The following WDR41 variants were observed in gnomAD, a reference collection of about 807,000 sequenced individuals.
WDR41 encodes the protein WD repeat-containing protein 41.
In WDR41, 63 loss-of-function variants were observed where a neutral mutation model predicts 69.3. The ratio of observed to expected loss-of-function variants is 0.91; its 90% CI spans 0.74 to 1.12. The LOEUF (loss-of-function observed/expected upper bound fraction) is 1.12, where lower values mean the gene tolerates loss of function less well. WDR41 is among the 50% of genes most tolerant of loss of function. The pLI is 0.00. For missense variants in WDR41, 543 were observed against 534.5 expected, an observed-to-expected ratio of 1.02 and a Z score of -0.16; for synonymous variants, 185 against 192.1, an observed-to-expected ratio of 0.96 and a Z score of 0.31.
chr5:77,509,627 G>C (rs1027850374), intron 1 of WDR41, among the ~76,000 whole-genome samples: 2 of 152,176 alleles, frequency 1.3e-5, no homozygotes, highest in African/African-American at 4.8e-5. Context: ...TCATTCATAT[G>C]AAAGTCCAGA....
intron 1 of WDR41, among the ~76,000 whole-genome samples, chr5:77,561,660 G>A (rs1268805097): frequency 6.6e-6 from 1 of 152,062 alleles, no homozygotes; most frequent in African/African-American, 2.4e-5. Flanking sequence ...TAATATAGAT[G>A]CTAATTATAA....
intron 2 of WDR41, among the ~76,000 whole-genome samples, chr5:77,467,838 G>C (rs1486825263): frequency 1.3e-5 from 2 of 151,710 alleles, no homozygotes; most frequent in African/African-American, 4.8e-5. Flanking sequence ...ACAAAAAATA[G>C]AAACTTAAAA....
chr5:77,434,438 A>G (rs1004444358), intron 12 of WDR41, among the ~76,000 whole-genome samples: 4 of 152,146 alleles, frequency 2.6e-5, no homozygotes, highest in Non-Finnish European at 5.9e-5. Flanking sequence ...GGAAACTGGA[A>G]AACACAAAAT....
intron 8 of WDR41, among the ~76,000 whole-genome samples, chr5:77,448,030 G>GT (rs1799458350): frequency 6.6e-6 from 1 of 152,276 alleles, no homozygotes; most frequent in South Asian, 2.1e-4. Flanking sequence ...AGAAACTGCT[G>GT]TAAGTTCCTC....
Position 77,551,980 on chromosome 5 carries a change from A to AAAAATAAAAT in WDR41, c.43-62418_43-62409dup, listed in dbSNP as rs57749416. Among the ~76,000 whole-genome samples, 425 of 93,482 alleles carry AAAAATAAAAT rather than the reference A, an allele frequency of 4.5e-3. 15 individuals are homozygous for AAAAATAAAAT. Among genetic ancestry groups the AAAAATAAAAT allele is most frequent in the African/African-American group, 8.4e-3 (193 of 22,910 alleles). 61.3% of individuals were successfully genotyped at this position (93,482 alleles called of 152,430 possible). ...GGCAACAGAGCAAGACTCTGTCTCA[A>AAAAATAAAAT]AAAATAAAATAAAATAAAATAAAAT... is the stretch of plus-strand genomic sequence containing the variant. On this transcript the variant is annotated intron_variant, in intron 1 of 5. Coordinates refer to the WDR41 transcript ENST00000509971.
chr5:77,580,519 A>G (rs1003369532), intron 1 of WDR41, among the ~76,000 whole-genome samples: 3 of 152,146 alleles, frequency 2.0e-5, no homozygotes, highest in African/African-American at 4.8e-5. Context: ...AAACCAAATC[A>G]TATGGTAAAT....
At chr5:77,523,643 A>G (rs981478826) in intron 1 of WDR41, among the ~76,000 whole-genome samples, 1 of 152,104 alleles carries the variant, frequency 6.6e-6, no homozygotes, top group Non-Finnish European at 1.5e-5. Context: ...GTGTCACTTC[A>G]GGCAACACAG....
In WDR41 at chr5:77,551,851, G is replaced by A. The variant is rs183012664; in HGVS notation, c.43-62279C>T. On this transcript the variant is annotated intron_variant, in intron 1 of 5. Transcript: ENST00000509971. ...AAACTAACTGGGTGTGGTGGCACGA[G>A]CCTGTAATCCCAGCTACTTGGGAGG... Among the ~76,000 whole-genome samples the A allele has an allele frequency of 3.5e-3, 535 of 150,754 alleles. 2 individuals carry two copies. The highest frequency in any genetic ancestry group is 4.7e-3 in the Non-Finnish European group (316 of 67,728).
intron 1 of WDR41, among the ~76,000 whole-genome samples, chr5:77,609,109 C>A (rs1744488146): frequency 1.3e-5 from 2 of 152,172 alleles, no homozygotes; most frequent in Admixed American, 1.3e-4. Context: ...GGGAGGGGCA[C>A]CCGACATTGC....
chr5:77,451,991 G>A (rs1355607502), intron 6 of WDR41: 1 of 146,022 alleles, frequency 6.8e-6, no homozygotes, highest in Non-Finnish European at 1.5e-5. Flanking sequence ...TAAAAGAGTT[G>A]ATAAATTAGA....
At chr5:77,556,767 T>A (rs1388476726) in intron 1 of WDR41, among the ~76,000 whole-genome samples, 1 of 152,118 alleles carries the variant, frequency 6.6e-6, no homozygotes. Context: ...ATTTTAAAAG[T>A]TTATTACACA....
chr5:77,567,460 G>T (rs1743654272), intron 1 of WDR41, among the ~76,000 whole-genome samples: 1 of 151,882 alleles, frequency 6.6e-6, no homozygotes, highest in Non-Finnish European at 1.5e-5. Context: ...TGATGCTGAG[G>T]TTGAAAAAAG....
At chr5:77,568,514 T>G (rs1376851561) in intron 1 of WDR41, among the ~76,000 whole-genome samples, 1 of 152,126 alleles carries the variant, frequency 6.6e-6, no homozygotes, top group Non-Finnish European at 1.5e-5. Flanking sequence ...CTATATACTT[T>G]GAAGAGCAGT....
chr5:77,440,921 A>G lies in WDR41; in HGVS notation c.774T>C (p.Tyr258=), dbSNP rs779431344. ...GAGATGGGTCCCAGAAGTTGCGTTC[A>G]TAGGCCTGCATGGTCCAGTCCAGGG... ...WDALDWTMQA[Y]ERNFWDPSPQ... Residue 258 remains tyrosine, a synonymous_variant, in exon 9 of 13, where the codon TAT becomes TAC. Coordinates refer to ENST00000296679, the MANE Select transcript of WDR41 (RefSeq NM_018268.4). 38 of 1,614,082 alleles carry G rather than the reference A, an allele frequency of 2.4e-5. No homozygotes were observed. In the Middle Eastern group the frequency reaches 4.9e-4, roughly 21 times the overall value.
rs541640666 is a variant in WDR41, at chr5:77,609,953, A to G, written c.42+10526T>C. Among the ~76,000 whole-genome samples the G allele has an allele frequency of 9.8e-4, 149 of 152,232 alleles. 2 individuals are homozygous for G. Among genetic ancestry groups the G allele is most frequent in the African/African-American group, 3.4e-3 (142 of 41,560 alleles). On this transcript the variant is annotated intron_variant, in intron 1 of 5. Transcript: ENST00000509971. The stretch of plus-strand genomic sequence containing the variant: ...ATAACTAGAATAACCAATACAGAGA[A>G]GTGCTTAAAGGAGCTGATGGAGCTG...
intron 2 of WDR41, among the ~76,000 whole-genome samples, chr5:77,471,764 C>A (rs565129411): frequency 3.3e-4 from 50 of 152,184 alleles, no homozygotes; most frequent in African/African-American, 1.1e-3. Context: ...ATAACAGGAT[C>A]TGAAATTGAC....
At chr5:77,514,514 G>A (rs916216484) in intron 1 of WDR41, among the ~76,000 whole-genome samples, 4 of 152,140 alleles carry the variant, frequency 2.6e-5, no homozygotes, top group Non-Finnish European at 5.9e-5. Context: ...CCCATAAGGT[G>A]TAAGCTCTAT....
At chr5:77,484,579 C>CT (rs1317239642) in intron 2 of WDR41, among the ~76,000 whole-genome samples, 1 of 152,030 alleles carries the variant, frequency 6.6e-6, no homozygotes, top group South Asian at 2.1e-4. Flanking sequence ...TGGTTATACC[C>CT]TTTTTTCCAG....
intron 3 of WDR41, 142 bp from the exon 4 acceptor site, chr5:77,463,368 T>C: frequency 3.0e-6 from 2 of 658,422 alleles, no homozygotes; most frequent in Non-Finnish European, 4.5e-6. Flanking sequence ...ACTTAAGCAA[T>C]CACACAGAAT....
Sources: gnomAD v4.1 joint callset for allele counts (sites outside exome capture counted in the v4.1 genomes callset) on GRCh38, gnomAD v4.1.1 for gene constraint, MANE v1.5 for transcripts, NCBI Gene and HGNC (gene_info 2026-07-23, HGNC 2026-07-21) for gene names.